The following ADGRD1 variants were observed in gnomAD, a reference collection of about 807,000 sequenced individuals.
ADGRD1 encodes adhesion G protein-coupled receptor D1.
A neutral mutation model predicts 113.4 loss-of-function variants in ADGRD1; 77 were observed. The ratio of observed to expected loss-of-function variants is 0.68; its 90% CI spans 0.57 to 0.82. The LOEUF (loss-of-function observed/expected upper bound fraction) is 0.82. Ranked by LOEUF, ADGRD1 falls within the 40% of genes least tolerant of loss-of-function variation. The probability of loss-of-function intolerance (pLI) is 0.00; values close to 1 mark genes in which losing one functional copy is unlikely to be tolerated. For missense variants in ADGRD1, 1,036 were observed against 1,139.1 expected, an observed-to-expected ratio of 0.91 and a Z score of 1.30; for synonymous variants, 474 against 475.0, an observed-to-expected ratio of 1.00 and a Z score of 0.03.
rs1951189117 is a variant in ADGRD1 at position 131,139,304 on chromosome 12, C to CG, written c.*41_*42insG. The CG allele has an allele frequency of 7.3e-7, 1 of 1,366,708 alleles. No individual in the cohort carries two copies. The highest frequency in any genetic ancestry group is 1.0e-6 in the Non-Finnish European group (1 of 977,570). The allele number at this position is 1,366,708 out of a possible 1,614,324, so 84.7% of individuals were successfully genotyped here. ...ACCAGGCCAGGCTGCGCTCAGAACACACCCCCCCAAACAGAATGAAATGCC... is the reference window on the plus strand; with the variant it reads ...ACCAGGCCAGGCTGCGCTCAGAACACGACCCCCCCAAACAGAATGAAATGCC... On this transcript the variant is annotated 3_prime_UTR_variant, in exon 25 of 25. Transcript: ENST00000261654.
At chr12:131,124,215 T>A (rs959928340) in intron 20 of ADGRD1, among the ~76,000 whole-genome samples, 4 of 152,210 alleles carry the variant, frequency 2.6e-5, no homozygotes, top group Non-Finnish European at 5.9e-5. Context: ...GTCATCAGCC[T>A]TATTTCCAGA....
intron 24 of ADGRD1, among the ~76,000 whole-genome samples, chr12:131,138,507 G>A (rs976453952): frequency 2.0e-5 from 3 of 152,180 alleles, no homozygotes; most frequent in Non-Finnish European, 2.9e-5. Flanking sequence ...TCAACTGACC[G>A]TGAGGTGGCC....
chr12:131,055,904 G>C (rs763685188), intron 13 of ADGRD1, among the ~76,000 whole-genome samples: 4 of 152,128 alleles, frequency 2.6e-5, no homozygotes, highest in African/African-American at 9.7e-5. Flanking sequence ...GCATATCAGA[G>C]GGCTCAAGAC....
chr12:131,054,391 T>C (rs1412323485), intron 13 of ADGRD1, among the ~76,000 whole-genome samples: 2 of 152,234 alleles, frequency 1.3e-5, no homozygotes, highest in African/African-American at 2.4e-5. Context: ...GTATAGTATG[T>C]ACTCTTTTCT....
At chr12:131,045,511 C>A (rs1457096012) in intron 13 of ADGRD1, among the ~76,000 whole-genome samples, 1 of 152,014 alleles carries the variant, frequency 6.6e-6, no homozygotes, top group East Asian at 1.9e-4. Context: ...AGGGACCCCC[C>A]CCCACCCCCG....
At chr12:131,029,089 T>A (rs1292671595) in intron 13 of ADGRD1, among the ~76,000 whole-genome samples, 2 of 152,376 alleles carry the variant, frequency 1.3e-5, no homozygotes, top group Non-Finnish European at 2.9e-5. Flanking sequence ...CTAAGTGAAC[T>A]GGCCATCTGC....
chr12:130,974,637 C>A (rs747795297), intron 4 of ADGRD1, among the ~76,000 whole-genome samples: 2 of 151,734 alleles, frequency 1.3e-5, no homozygotes, highest in Non-Finnish European at 1.5e-5. Flanking sequence ...CCAGCCCCTG[C>A]CTAACAGGCC....
intron 19 of ADGRD1, among the ~76,000 whole-genome samples, chr12:131,119,167 A>G (rs1004442611): frequency 6.6e-6 from 1 of 152,260 alleles, no homozygotes; most frequent in South Asian, 2.1e-4. Context: ...GAGTGAAAAC[A>G]TGGAAAATAA....
At chr12:131,058,646 T>C (rs1034505089) in intron 13 of ADGRD1, among the ~76,000 whole-genome samples, 1 of 152,226 alleles carries the variant, frequency 6.6e-6, no homozygotes, top group Non-Finnish European at 1.5e-5. Flanking sequence ...GACATAGAAC[T>C]CAGGGTGCAC....
intron 15 of ADGRD1, among the ~76,000 whole-genome samples, chr12:131,104,476 G>A (rs1345996865): frequency 6.6e-6 from 1 of 152,192 alleles, no homozygotes; most frequent in Non-Finnish European, 1.5e-5. Context: ...TTGAACCCGG[G>A]AGGTCTGGCT....
chr12:130,993,508 C>G (rs1467632773), intron 8 of ADGRD1, among the ~76,000 whole-genome samples: 2 of 151,474 alleles, frequency 1.3e-5, no homozygotes. Flanking sequence ...GTCATGGAGT[C>G]TGAGAGGGGC....
chr12:131,137,993 G>C lies in ADGRD1; in HGVS notation c.2437-144G>C, dbSNP rs1593282612. On this transcript the variant is annotated intron_variant, in intron 23 of 24. Coordinates refer to ENST00000261654, the MANE Select transcript of ADGRD1 (RefSeq NM_198827.5). ...CAGAGCAGCGATGCACAGCTCAGCT[G>C]TGGAGCCAGCAGCTCCGACTCATAT... 4.5e-6 allele frequency: 3 copies of C among 673,044 alleles called. No individual in the cohort carries two copies. The East Asian group carries it at 8.3e-5, about 19-fold the overall frequency. 41.7% of individuals were successfully genotyped at this position (673,044 alleles called of 1,614,324 possible). A position where few individuals can be genotyped will look rare whatever the true frequency, so the allele number is the denominator to read the frequency against.
intron 21 of ADGRD1, among the ~76,000 whole-genome samples, chr12:131,134,583 G>T (rs566565336): frequency 2.3e-4 from 35 of 152,326 alleles, no homozygotes; most frequent in Admixed American, 1.2e-3. Flanking sequence ...TATTTTTATT[G>T]CATTAGCATT....
intron 13 of ADGRD1, among the ~76,000 whole-genome samples, chr12:131,071,215 C>T (rs1167140968): frequency 7.0e-6 from 1 of 142,910 alleles, no homozygotes; most frequent in African/African-American, 2.6e-5. Context: ...GGAGGTGGAG[C>T]CATGTGCAAG....
intron 13 of ADGRD1, among the ~76,000 whole-genome samples, chr12:131,032,323 C>T (rs957804247): frequency 2.6e-5 from 4 of 152,202 alleles, no homozygotes; most frequent in Non-Finnish European, 5.9e-5. Context: ...CTCGCGACCC[C>T]GCCTAGATCC....
chr12:131,104,780 C>T, intron 15 of ADGRD1, 51 bp from the exon 16 acceptor site: 2 of 1,343,040 alleles, frequency 1.5e-6, no homozygotes, highest in Non-Finnish European at 2.1e-6. Context: ...GCTTCAGGCT[C>T]CGATGGGGTG....
chr12:131,095,632 A>G (rs1202183409), intron 15 of ADGRD1, among the ~76,000 whole-genome samples: 1 of 152,174 alleles, frequency 6.6e-6, no homozygotes, highest in African/African-American at 2.4e-5. Flanking sequence ...GGGCAGATGG[A>G]CGCATAGCCC....
chr12:131,129,460 G>C (rs1268654176), intron 20 of ADGRD1, among the ~76,000 whole-genome samples: 53 of 133,422 alleles, frequency 4.0e-4, no homozygotes, highest in African/African-American at 1.4e-3. Flanking sequence ...GGCCCGCCCT[G>C]CTGTCTGGGT....
intron 16 of ADGRD1, 109 bp downstream of exon 16, chr12:131,105,043 C>T: frequency 1.3e-6 from 1 of 773,688 alleles, no homozygotes; most frequent in African/African-American, 1.8e-5. Flanking sequence ...GGTAAGAGCA[C>T]CAGGCTTAGC....
Sources: allele counts gnomAD v4.1 joint callset (sites outside exome capture counted in the v4.1 genomes callset), GRCh38; gene constraint gnomAD v4.1.1; transcripts MANE v1.5; gene names NCBI Gene and HGNC (gene_info 2026-07-23, HGNC 2026-07-21).